The following ACSM3 variants were observed in gnomAD, a reference collection of about 807,000 sequenced individuals.
ACSM3 encodes acyl-CoA synthetase medium chain family member 3, also known as acyl-coenzyme A synthetase ACSM3, mitochondrial.
In ACSM3, 61 loss-of-function variants were observed where a neutral mutation model predicts 74.1. That is an observed-to-expected ratio of 0.82 (90% CI 0.67 to 1.02). The LOEUF (loss-of-function observed/expected upper bound fraction) is 1.02, where lower values mean the gene tolerates loss of function less well. ACSM3 is among the 50% of genes least tolerant of loss of function. The probability of loss-of-function intolerance (pLI) is 0.00; values close to 1 mark genes in which losing one functional copy is unlikely to be tolerated. For missense variants in ACSM3, 660 were observed against 697.0 expected (o/e 0.95, Z 0.60); for synonymous variants, 213 against 241.5 (o/e 0.88, Z 1.09).
rs2080617665 is a variant in ACSM3, at chr16:20,792,250, C to A, written c.1469C>A (p.Pro490Gln). ...VILSSGYRIG[P>Q]FEVENALNEH... ...TGTGTTTCTAGCTATCGAATTGGACCATTTGAGGTAGAAAATGCCCTGAAT... is the reference window on the plus strand; with the variant it reads ...TGTGTTTCTAGCTATCGAATTGGACAATTTGAGGTAGAAAATGCCCTGAAT... The change falls in exon 12 of 14, where the codon CCA becomes CAA. Residue 490 changes from proline to glutamine, a missense_variant. Transcript: ENST00000289416. 3.1e-6 allele frequency: 5 copies of A among 1,613,944 alleles called. No individual in the cohort carries two copies. Among genetic ancestry groups the A allele is most frequent in the Non-Finnish European group, 4.2e-6 (5 of 1,179,978 alleles).
chr16:20,779,762 G>A, intron 4 of ACSM3: 1 of 156,636 alleles, frequency 6.4e-6, no homozygotes, highest in Non-Finnish European at 1.4e-5. Context: ...ACCTTTCACG[G>A]TCAGCAAACT....
In ACSM3 at chr16:20,790,627, A is replaced by G. The variant is rs759663186; in HGVS notation, c.1265A>G (p.Glu422Gly). ...VNGNVLPPGQ[E>G]GDIGIQVLPN... ...GGCAATGTTCTACCTCCTGGACAAG[A>G]AGGAGATATTGGCATTCAAGTTCTA... is the stretch of plus-strand genomic sequence containing the variant. The change falls in exon 10 of 14, where the codon GAA (glutamate) becomes GGA (glycine). Residue 422 changes from glutamate (E) to glycine (G), a missense_variant. Transcript: ENST00000289416. This position sits in a 1 kb window ranked among gnomAD's most constrained non-coding sequence, Gnocchi z 4.0. 3.1e-6 allele frequency: 5 copies of G among 1,613,950 alleles called. No individual in the cohort carries two copies. The highest frequency in any genetic ancestry group is 4.5e-5 in the East Asian group (2 of 44,880).
At chr16:20,753,462 CA>C (rs36090074) in intron 2 of ACSM3, among the ~76,000 whole-genome samples, 6,324 of 101,548 alleles carry the variant, frequency 0.062, 337 homozygotes, top group African/African-American at 0.24. Context: ...AGACTGTCTC[CA>C]AAAAAAAAAA....
At chr16:20,769,467 T>G (rs559462912) in intron 1 of ACSM3, among the ~76,000 whole-genome samples, 2 of 152,388 alleles carry the variant, frequency 1.3e-5, no homozygotes, top group East Asian at 3.9e-4. Flanking sequence ...ACTGTGACAG[T>G]GCTTTCATGT....
In ACSM3 at chr16:20,789,621, A is replaced by T. The variant is rs1425325985; in HGVS notation, c.1225-966A>T. The T allele has an allele frequency of 3.6e-6, 4 of 1,117,182 alleles. No homozygotes were observed. In the East Asian group the frequency reaches 9.4e-5, roughly 26 times the overall value. 69.2% of individuals were successfully genotyped at this position (1,117,182 alleles called of 1,614,324 possible). On this transcript the variant is annotated intron_variant, in intron 9 of 13. Coordinates refer to ENST00000289416, the MANE Select transcript of ACSM3 (RefSeq NM_005622.4). ...TTATCAAGAGGAAAAGATAATCAAG[A>T]CCTATTGCTAAATGATAAAAGCAGG...
intron 1 of ACSM3, among the ~76,000 whole-genome samples, chr16:20,768,483 G>T (rs1349672784): frequency 6.6e-6 from 1 of 152,210 alleles, no homozygotes; most frequent in African/African-American, 2.4e-5. Flanking sequence ...TGATAAAGAT[G>T]ATGATGGTGG....
intron 1 of ACSM3, among the ~76,000 whole-genome samples, chr16:20,739,288 G>A (rs968935907): frequency 1.3e-5 from 2 of 151,324 alleles, no homozygotes; most frequent in East Asian, 3.9e-4. Context: ...CAATTTTCCT[G>A]CCTCAGCCTC....
upstream of ACSM3, among the ~76,000 whole-genome samples, chr16:20,760,084 A>G (rs144244412): frequency 1.1e-3 from 164 of 152,270 alleles, no homozygotes; most frequent in African/African-American, 3.8e-3. Context: ...TTAACATTGA[A>G]ACAGTGATCT....
At chr16:20,783,851 A>G (rs1261757292) in intron 7 of ACSM3, among the ~76,000 whole-genome samples, 1 of 148,708 alleles carries the variant, frequency 6.7e-6, no homozygotes, top group African/African-American at 2.5e-5. Flanking sequence ...TCTGTTGCCC[A>G]GGCTGGAGTG....
chr16:20,795,272 C>T (rs1489806472), intron 12 of ACSM3, among the ~76,000 whole-genome samples: 5 of 152,186 alleles, frequency 3.3e-5, no homozygotes, highest in African/African-American at 9.7e-5. Flanking sequence ...CCTCCCACCT[C>T]GGCCTCCCAA....
chr16:20,685,146 T>C lies in ACSM3; in HGVS notation c.-190+10324T>C, dbSNP rs377404412. The C allele has an allele frequency of 3.7e-6, 6 of 1,603,288 alleles. No homozygotes were observed. In the African/African-American group the frequency reaches 8.0e-5, roughly 21 times the overall value. On this transcript the variant is annotated intron_variant, in intron 1 of 3. Transcript: ENST00000561584. Reference sequence around the variant, plus strand: ...CACCTAATATCTCAGGACCCATTGGTTCTAGAACAGCCCCGAGGTCCACCA... The same window carrying C: ...CACCTAATATCTCAGGACCCATTGGCTCTAGAACAGCCCCGAGGTCCACCA...
chr16:20,685,724 G>A (rs1341160907), intron 1 of ACSM3, among the ~76,000 whole-genome samples: 1 of 150,958 alleles, frequency 6.6e-6, no homozygotes, highest in Non-Finnish European at 1.5e-5. Context: ...GGAGGCTGAG[G>A]TAGGAGAATT....
intron 1 of ACSM3, among the ~76,000 whole-genome samples, chr16:20,688,064 G>C (rs1025546894): frequency 6.7e-6 from 1 of 148,948 alleles, no homozygotes; most frequent in Non-Finnish European, 1.5e-5. Context: ...CAGCCTGGGA[G>C]ACTAAGCAAA....
At chr16:20,704,454 A>G (rs1324632163) in intron 1 of ACSM3, among the ~76,000 whole-genome samples, 1 of 152,216 alleles carries the variant, frequency 6.6e-6, no homozygotes, top group African/African-American at 2.4e-5. Flanking sequence ...AGTTCTTCCC[A>G]GGGCTAACTT....
intron 1 of ACSM3, among the ~76,000 whole-genome samples, chr16:20,726,950 A>G (rs1449713957): frequency 1.3e-5 from 2 of 152,242 alleles, no homozygotes; most frequent in African/African-American, 4.8e-5. Context: ...TGTGTAAAGT[A>G]GGGGTTGAGA....
At chr16:20,761,533 A>G (rs2080076785), upstream of ACSM3, among the ~76,000 whole-genome samples, 1 of 152,194 alleles carries the variant, frequency 6.6e-6, no homozygotes, top group Non-Finnish European at 1.5e-5. Context: ...ATTGCTTGGT[A>G]TAGTGAAAAC....
At chr16:20,752,233 G>A (rs1596499231) in intron 2 of ACSM3, among the ~76,000 whole-genome samples, 1 of 152,020 alleles carries the variant, frequency 6.6e-6, no homozygotes. Flanking sequence ...AGCCAGGCAT[G>A]GTAGCTCACA....
intron 1 of ACSM3, among the ~76,000 whole-genome samples, chr16:20,704,760 G>A (rs1054999030): frequency 3.9e-5 from 6 of 152,144 alleles, no homozygotes; most frequent in African/African-American, 1.2e-4. Context: ...TCATAAAAGA[G>A]GATGATTTTG....
chr16:20,761,328 C>T (rs1003887735), upstream of ACSM3, among the ~76,000 whole-genome samples: 8 of 152,244 alleles, frequency 5.3e-5, no homozygotes, highest in African/African-American at 1.9e-4. Context: ...CACATGTTCT[C>T]AGGACCTCCT....
Sources: gnomAD v4.1 joint callset for allele counts (sites outside exome capture counted in the v4.1 genomes callset) on GRCh38, gnomAD v4.1.1 for gene constraint, Gnocchi (gnomAD v3.1) non-coding constraint, MANE v1.5 for transcripts, NCBI Gene and HGNC (gene_info 2026-07-23, HGNC 2026-07-21) for gene names.